GPR158: variants seen among roughly 807,000 people sequenced by gnomAD.
The protein encoded by GPR158 is metabotropic glycine receptor.
Under a neutral mutation model 78.2 loss-of-function variants are expected in GPR158, and 30 were observed. That is an observed-to-expected ratio of 0.38 (90% confidence interval 0.29 to 0.52). GPR158 has a LOEUF of 0.52. Among genes scored for constraint, GPR158 ranks in the 20% least tolerant of loss-of-function variants. The pLI is 0.83. For synonymous variants in GPR158, 581 were observed against 591.1 expected, an observed-to-expected ratio of 0.98 and a Z score of 0.25; for missense variants, 1,463 against 1,523.5, an observed-to-expected ratio of 0.96 and a Z score of 0.66.
chr10:25,288,678 A>G (rs1278071467), intron 2 of GPR158, among the ~76,000 whole-genome samples: 1 of 152,196 alleles, frequency 6.6e-6, no homozygotes, highest in Non-Finnish European at 1.5e-5. Context: ...TAAAATATCC[A>G]TCTTCATTCA....
chr10:25,186,566 G>A (rs867100168), intron 1 of GPR158, among the ~76,000 whole-genome samples: 8 of 151,926 alleles, frequency 5.3e-5, no homozygotes, highest in Non-Finnish European at 1.2e-4. Context: ...ACAGAAATAC[G>A]AACTACCATC....
chr10:25,392,568 C>A (rs1834314803), intron 2 of GPR158, among the ~76,000 whole-genome samples: 1 of 152,188 alleles, frequency 6.6e-6, no homozygotes, highest in African/African-American at 2.4e-5. Context: ...ACTCATGGAG[C>A]AGCTACCCTC....
intron 2 of GPR158, among the ~76,000 whole-genome samples, chr10:25,363,572 G>A (rs530875445): frequency 1.3e-4 from 20 of 152,016 alleles, no homozygotes; most frequent in African/African-American, 4.3e-4. Context: ...CCTTGAGCTG[G>A]TGGCTGGGAA....
chr10:25,522,909 A>G (rs894134755), intron 5 of GPR158, among the ~76,000 whole-genome samples: 1 of 152,140 alleles, frequency 6.6e-6, no homozygotes, highest in Non-Finnish European at 1.5e-5. Context: ...GCAGATGTCA[A>G]GGTTATATTA....
At chr10:25,582,106 T>A (rs1007738945) in intron 7 of GPR158, among the ~76,000 whole-genome samples, 41 of 152,204 alleles carry the variant, frequency 2.7e-4, no homozygotes, top group African/African-American at 9.6e-4. Flanking sequence ...TTATCTCCCA[T>A]GGTGGGGTGG....
At chr10:25,315,603 C>A (rs188307195) in intron 2 of GPR158, among the ~76,000 whole-genome samples, 1 of 151,428 alleles carries the variant, frequency 6.6e-6, no homozygotes, top group Admixed American at 6.6e-5. Flanking sequence ...TGTATTTGAT[C>A]TCAACTCTGT....
At chr10:25,590,618 A>G (rs946564998) in intron 8 of GPR158, among the ~76,000 whole-genome samples, 1 of 152,178 alleles carries the variant, frequency 6.6e-6, no homozygotes, top group African/African-American at 2.4e-5. Flanking sequence ...TATAACAAAC[A>G]TGCTTTTCTA....
At chr10:25,302,055 A>G (rs570777650) in intron 2 of GPR158, among the ~76,000 whole-genome samples, 1 of 148,510 alleles carries the variant, frequency 6.7e-6, no homozygotes, top group Admixed American at 6.7e-5. Flanking sequence ...CGCATCTATC[A>G]GTAATTTGTT....
At chr10:25,472,951 T>C (rs1345076490) in intron 5 of GPR158, among the ~76,000 whole-genome samples, 2 of 152,096 alleles carry the variant, frequency 1.3e-5, no homozygotes, top group Non-Finnish European at 2.9e-5. Flanking sequence ...TTTATTTCCT[T>C]CTCCTGCCTG....
chr10:25,405,241 A>G (rs997257211), intron 3 of GPR158, among the ~76,000 whole-genome samples: 6 of 150,646 alleles, frequency 4.0e-5, no homozygotes, highest in Non-Finnish European at 7.4e-5. Flanking sequence ...TAGAAATAAC[A>G]TTTTCTAGTA....
At chr10:25,509,079 G>A (rs1405285624) in intron 5 of GPR158, among the ~76,000 whole-genome samples, 1 of 152,156 alleles carries the variant, frequency 6.6e-6, no homozygotes, top group African/African-American at 2.4e-5. Context: ...TGGTGGAGGG[G>A]GTAGGCTGTC....
intron 5 of GPR158, among the ~76,000 whole-genome samples, chr10:25,515,410 G>A (rs1398281608): frequency 6.7e-6 from 1 of 148,884 alleles, no homozygotes; most frequent in African/African-American, 2.5e-5. Context: ...GGGTACATGT[G>A]CACATTGTGC....
chr10:25,520,685 C>T (rs921368281), intron 5 of GPR158, among the ~76,000 whole-genome samples: 22 of 151,904 alleles, frequency 1.4e-4, no homozygotes, highest in Admixed American at 5.9e-4. Context: ...TTAGGCTGCT[C>T]GGGGGTCAGG....
chr10:25,503,949 G>A (rs1018944285), intron 5 of GPR158, among the ~76,000 whole-genome samples: 58 of 150,070 alleles, frequency 3.9e-4, no homozygotes, highest in Non-Finnish European at 6.8e-4. Context: ...GGAGTGCGAT[G>A]GGGTGACCTT....
At chr10:25,471,419 T>A (rs1588878367) in intron 5 of GPR158, among the ~76,000 whole-genome samples, 1 of 152,306 alleles carries the variant, frequency 6.6e-6, no homozygotes, top group East Asian at 1.9e-4. Context: ...ACAATAAATA[T>A]ACGTGTGCAT....
chr10:25,541,711 C>T (rs1184989562), intron 5 of GPR158, among the ~76,000 whole-genome samples: 1 of 151,760 alleles, frequency 6.6e-6, no homozygotes, highest in Non-Finnish European at 1.5e-5. Context: ...TGACTCATTT[C>T]CAGCCTCCTA....
chr10:25,445,616 T>C (rs908286612), intron 4 of GPR158, among the ~76,000 whole-genome samples: 1 of 152,128 alleles, frequency 6.6e-6, no homozygotes. Context: ...TTATAATAGT[T>C]TCCAGGAGAA....
intron 4 of GPR158, among the ~76,000 whole-genome samples, chr10:25,457,772 C>T (rs564881449): frequency 6.6e-6 from 1 of 152,200 alleles, no homozygotes; most frequent in Non-Finnish European, 1.5e-5. Context: ...CATTCCCTCT[C>T]ATGCATCTAA....
chr10:25,590,805 C>T (rs1372473422), intron 8 of GPR158, among the ~76,000 whole-genome samples: 1 of 152,026 alleles, frequency 6.6e-6, no homozygotes, highest in African/African-American at 2.4e-5. Context: ...TTATAATAAA[C>T]TGCTAGATTT....
Sources: gnomAD v4.1 joint callset for allele counts (sites outside exome capture counted in the v4.1 genomes callset) on GRCh38, gnomAD v4.1.1 for gene constraint, MANE v1.5 for transcripts, NCBI Gene and HGNC (gene_info 2026-07-23, HGNC 2026-07-21) for gene names.